Variants in OPTN observed in about 807,000 individuals in gnomAD.
OPTN encodes E3-14.7K-interacting protein.
A neutral mutation model predicts 70.4 loss-of-function variants in OPTN; 54 were observed. That is an observed-to-expected ratio of 0.77 (90% CI 0.62 to 0.96). OPTN has a LOEUF of 0.96. OPTN is among the 40% of genes least tolerant of loss of function. The pLI, the probability that OPTN is intolerant of heterozygous loss-of-function variation, is 0.00. For missense variants in OPTN, 624 were observed against 673.2 expected (o/e 0.93, Z 0.81); for synonymous variants, 256 against 248.5 (o/e 1.03, Z -0.28).
chr10:13,125,386 G>A lies in OPTN; in HGVS notation c.999-32G>A, dbSNP rs370358202. The A allele has an allele frequency of 7.0e-5, 113 of 1,613,278 alleles. No homozygotes were observed. The African/African-American group carries it at 8.3e-4, about 12-fold the overall frequency. On this transcript the variant is annotated intron_variant, in intron 9 of 14. Coordinates refer to ENST00000378747, the MANE Select transcript of OPTN (RefSeq NM_001008212.2). Reference sequence around the variant, plus strand: ...AGCCACTGCGACGTAAAGGAGCATTGTTTATCCTCATGAAATCTTGACCTT... The same window carrying A: ...AGCCACTGCGACGTAAAGGAGCATTATTTATCCTCATGAAATCTTGACCTT...
At chr10:13,113,027 C>A (rs1041194711) in intron 5 of OPTN, among the ~76,000 whole-genome samples, 1 of 152,000 alleles carries the variant, frequency 6.6e-6, no homozygotes, top group Non-Finnish European at 1.5e-5. Context: ...ACAGAACCCT[C>A]TTTTTTTGTT....
At chr10:13,136,373 T>C (rs535295043) in intron 14 of OPTN, among the ~76,000 whole-genome samples, 1 of 151,816 alleles carries the variant, frequency 6.6e-6, no homozygotes, top group Non-Finnish European at 1.5e-5. Flanking sequence ...CTGGGCGTGG[T>C]GGCGCGCACC....
intron 7 of OPTN, among the ~76,000 whole-genome samples, chr10:13,119,589 C>T (rs1012739398): frequency 6.6e-6 from 1 of 152,168 alleles, no homozygotes; most frequent in Non-Finnish European, 1.5e-5. Context: ...ATTGCTGGGT[C>T]ATACGGTATC....
At chr10:13,120,510 T>G (rs1588444497) in intron 7 of OPTN, among the ~76,000 whole-genome samples, 1 of 147,406 alleles carries the variant, frequency 6.8e-6, no homozygotes, top group Admixed American at 6.8e-5. Flanking sequence ...CCTGGCGCGG[T>G]GGCCAAAATT....
chr10:13,114,777 A>C (rs1460901136), intron 5 of OPTN, among the ~76,000 whole-genome samples: 2 of 100,816 alleles, frequency 2.0e-5, no homozygotes. Flanking sequence ...TAATTATATA[A>C]TTATATAATT....
chr10:13,114,808 ATATAAT>A (rs1833101157), intron 5 of OPTN, among the ~76,000 whole-genome samples: 1 of 8,208 alleles, frequency 1.2e-4, no homozygotes, highest in African/African-American at 3.4e-4. Context: ...ATATACATAT[ATATAAT>A]TATATAATTA....
In OPTN at chr10:13,124,056, A is replaced by G. The variant is rs773759822; in HGVS notation, c.944A>G (p.Glu315Gly). 9 of 1,613,838 alleles carry G rather than the reference A, an allele frequency of 5.6e-6. No homozygotes were observed. The highest frequency in any genetic ancestry group is 6.8e-6 in the Non-Finnish European group (8 of 1,179,872). Residue 315 changes from glutamate (E) to glycine (G), a missense_variant, in exon 9 of 15, where the codon GAG becomes GGG. Glu to Gly is a moderately conservative substitution (Grantham distance 98). Transcript: ENST00000378747. ...QVTSLFKELQ[E>G]AHTKLSEAEL... The stretch of plus-strand genomic sequence containing the variant: ...ACATCTCTGTTTAAGGAGCTTCAAG[A>G]GGCTCATACAAAACTCAGCGAAGCT...
chr10:13,136,744 G>A lies in OPTN; in HGVS notation c.1613-1G>A. 1.2e-6 allele frequency: 2 copies of A among 1,614,002 alleles called. No homozygotes were observed. Among genetic ancestry groups the A allele is most frequent in the Non-Finnish European group, 1.7e-6 (2 of 1,179,912 alleles). ...AATGGAATTATCATACTTATTCCCA[G>A]GAGCTGAGGACAGGGACTGGCGGCA... On this transcript the variant is annotated splice_acceptor_variant, in intron 14 of 14. Transcript: ENST00000378747. LOFTEE classifies it high-confidence loss of function.
At chr10:13,115,091 A>T (rs1467746545) in intron 5 of OPTN, among the ~76,000 whole-genome samples, 1 of 32,926 alleles carries the variant, frequency 3.0e-5, no homozygotes, top group Non-Finnish European at 5.6e-5. Flanking sequence ...AGATATATCT[A>T]TTTTATATAT....
chr10:13,115,017 A>C (rs1286805865), intron 5 of OPTN, among the ~76,000 whole-genome samples: 1 of 103,262 alleles, frequency 9.7e-6, no homozygotes, highest in African/African-American at 4.0e-5. Context: ...ATATATATAG[A>C]TATATCTATA....
intron 1 of OPTN, among the ~76,000 whole-genome samples, chr10:13,104,399 C>G (rs932999369): frequency 5.4e-5 from 8 of 148,006 alleles, no homozygotes; most frequent in Non-Finnish European, 1.2e-4. Flanking sequence ...GCTGGGACTA[C>G]AGGCATGCAC....
At chr10:13,123,903 C>A in intron 8 of OPTN, 92 bp from the exon 9 acceptor site, 2 of 845,948 alleles carry the variant, frequency 2.4e-6, no homozygotes, top group Non-Finnish European at 4.0e-6. Flanking sequence ...TCTTAATTGG[C>A]TACTAATGGT....
chr10:13,123,921 G>T, intron 8 of OPTN, 74 bp from the exon 9 acceptor site: 2 of 1,096,930 alleles, frequency 1.8e-6, no homozygotes, highest in East Asian at 4.8e-5. Context: ...GGTTCAGCCT[G>T]TTTTCTCCTA....
In OPTN at chr10:13,121,886, C is replaced by T. The variant is rs143294244; in HGVS notation, c.780-499C>T. Reference sequence around the variant, plus strand: ...ATCTGTTCAACCCATTATCTTTAACCACAGTCTCTTGTTTCATTTGGATTG... The same window carrying T: ...ATCTGTTCAACCCATTATCTTTAACTACAGTCTCTTGTTTCATTTGGATTG... On this transcript the variant is annotated intron_variant, in intron 7 of 14. Transcript: ENST00000378747. Among the ~76,000 whole-genome samples, 23 of 152,256 alleles carry T rather than the reference C, an allele frequency of 1.5e-4. No homozygotes were observed. In the East Asian group the frequency reaches 4.4e-3, roughly 29 times the overall value.
In OPTN at chr10:13,129,445, C is replaced by T. The variant is rs536222827; in HGVS notation, c.1401+1542C>T. On this transcript the variant is annotated intron_variant, in intron 12 of 14. Coordinates refer to ENST00000378747, the MANE Select transcript of OPTN (RefSeq NM_001008212.2). ...TTGGCTCACTGCAACCTCCACCTCCCGGGTTCAAGCCATTCTCCTGCCTCA... is the reference window on the plus strand; with the variant it reads ...TTGGCTCACTGCAACCTCCACCTCCTGGGTTCAAGCCATTCTCCTGCCTCA... 7.4e-4 allele frequency among the ~76,000 whole-genome samples: 112 copies of T among 152,130 alleles called. 1 individual carries two copies. The highest frequency in any genetic ancestry group is 2.6e-3 in the African/African-American group (109 of 41,498).
In OPTN at chr10:13,119,037, A is replaced by G. The variant is rs1429664906; in HGVS notation, c.776A>G (p.Glu259Gly). The G allele has an allele frequency of 3.1e-6, 5 of 1,614,018 alleles. No homozygotes were observed. The highest frequency in any genetic ancestry group is 2.7e-5 in the African/African-American group (2 of 75,044). The change falls in exon 7 of 15, where the codon GAA becomes GGA. Residue 259 changes from glutamate to glycine, a missense_variant. Glu to Gly is a moderately conservative substitution (Grantham distance 98, BLOSUM62 -2). Transcript: ENST00000378747. ...GAAGTTGCACTCAAGGAGGCCAAAG[A>G]AAGGTATGAAATAGGTTAACTTGAA... Reference protein sequence around the residue: ...RLEVALKEAKERVSDFEKKTS... With the variant: ...RLEVALKEAKGRVSDFEKKTS...
intron 10 of OPTN, 84 bp downstream of exon 10, chr10:13,125,651 A>G (rs1404236663): frequency 1.1e-5 from 17 of 1,543,582 alleles, no homozygotes; most frequent in African/African-American, 1.4e-5. Flanking sequence ...CGGATTTGAG[A>G]ATAAATTTTA....
At chr10:13,114,774 ATAAT>A (rs1833091174) in intron 5 of OPTN, among the ~76,000 whole-genome samples, 2 of 104,148 alleles carry the variant, frequency 1.9e-5, no homozygotes, top group Non-Finnish European at 3.6e-5. Context: ...ATATAATTAT[ATAAT>A]TATATAATTA....
intron 12 of OPTN, among the ~76,000 whole-genome samples, chr10:13,128,334 C>G (rs1416455791): frequency 6.6e-6 from 1 of 152,032 alleles, no homozygotes; most frequent in Non-Finnish European, 1.5e-5. Flanking sequence ...GGCTCTACAT[C>G]TTACCAACAC....
Sources: allele counts gnomAD v4.1 joint callset (sites outside exome capture counted in the v4.1 genomes callset), GRCh38; gene constraint gnomAD v4.1.1; transcripts MANE v1.5; gene names NCBI Gene and HGNC (gene_info 2026-07-23, HGNC 2026-07-21).